The following ASIC2 variants were observed in gnomAD, a reference collection of about 807,000 sequenced individuals.
ASIC2 encodes the protein acid sensing ion channel subunit 2.
A neutral mutation model predicts 57.3 loss-of-function variants in ASIC2; 25 were observed. That is an observed-to-expected ratio of 0.44 (90% CI 0.32 to 0.61). The LOEUF (loss-of-function observed/expected upper bound fraction) is 0.61, where lower values mean the gene tolerates loss of function less well. Ranked by LOEUF, ASIC2 falls within the 20% of genes least tolerant of loss-of-function variation. ASIC2 has a pLI of 0.06. For synonymous variants in ASIC2, 319 were observed against 307.5 expected, an observed-to-expected ratio of 1.04 and a Z score of -0.39; for missense variants, 641 against 738.1, an observed-to-expected ratio of 0.87 and a Z score of 1.52.
At chr17:33,253,529 CT>C (rs1189807102) in intron 1 of ASIC2, among the ~76,000 whole-genome samples, 5 of 152,156 alleles carry the variant, frequency 3.3e-5, no homozygotes, top group Non-Finnish European at 7.3e-5. Flanking sequence ...CATTTCTTTT[CT>C]TTTTCCTACT....
chr17:34,066,096 ACT>A (rs1229227359), intron 1 of ASIC2, among the ~76,000 whole-genome samples: 2 of 152,248 alleles, frequency 1.3e-5, no homozygotes, highest in East Asian at 3.9e-4. Context: ...CTCAGTTCAC[ACT>A]CTTAACTACC....
In ASIC2 at chr17:33,600,623, T is replaced by C. The variant is rs562891818; in HGVS notation, c.556-488556A>G. Among the ~76,000 whole-genome samples, 3 of 152,318 alleles carry C rather than the reference T, an allele frequency of 2.0e-5. No homozygotes were observed. The East Asian group carries it at 5.8e-4, about 29-fold the overall frequency. ...CCCATTTATGCCTGAGGTGGCAATTTTTTTTAATTTTTGCAATCAGACCTT... is the reference window on the plus strand; with the variant it reads ...CCCATTTATGCCTGAGGTGGCAATTCTTTTTAATTTTTGCAATCAGACCTT... On this transcript the variant is annotated intron_variant, in intron 1 of 9. Transcript: ENST00000359872.
At chr17:33,393,545 A>G (rs1030069269) in intron 1 of ASIC2, among the ~76,000 whole-genome samples, 5 of 152,240 alleles carry the variant, frequency 3.3e-5, no homozygotes, top group Non-Finnish European at 7.3e-5. Context: ...CTATGGATCA[A>G]CATTTCAACC....
intron 1 of ASIC2, among the ~76,000 whole-genome samples, chr17:33,423,519 A>G (rs945554710): frequency 3.3e-5 from 5 of 152,190 alleles, no homozygotes; most frequent in African/African-American, 1.2e-4. Context: ...TGTGATCAAC[A>G]TTATTACTAT....
rs1275285305 is a variant in ASIC2 at position 34,039,425 on chromosome 17, T to C, written c.555+116553A>G. ...CGAGGTTTTGCTAGCATCACTGACA[T>C]GAGGGTTGGCAGAGCAGACTGCTCC... is the stretch of plus-strand genomic sequence containing the variant. On this transcript the variant is annotated intron_variant, in intron 1 of 9. Transcript: ENST00000359872. 65 of 1,613,738 alleles carry C rather than the reference T, an allele frequency of 4.0e-5. 1 individual carries two copies. In the East Asian group the frequency reaches 1.3e-3, roughly 32 times the overall value.
chr17:33,438,823 G>A (rs932391428), intron 1 of ASIC2, among the ~76,000 whole-genome samples: 24 of 151,466 alleles, frequency 1.6e-4, no homozygotes, highest in African/African-American at 5.8e-4. Context: ...GTTCTGGGGT[G>A]GAGAAATAAT....
intron 1 of ASIC2, among the ~76,000 whole-genome samples, chr17:33,374,538 G>A (rs1297984032): frequency 6.6e-6 from 1 of 152,148 alleles, no homozygotes; most frequent in East Asian, 1.9e-4. Context: ...AGACTAATTT[G>A]AGTAATAACT....
At chr17:33,863,740 A>C (rs1193202010) in intron 1 of ASIC2, among the ~76,000 whole-genome samples, 1 of 152,216 alleles carries the variant, frequency 6.6e-6, no homozygotes, top group Non-Finnish European at 1.5e-5. Flanking sequence ...AGTGGTATTA[A>C]TATGCTTCCG....
At chr17:33,509,274 G>C (rs1300914606) in intron 1 of ASIC2, among the ~76,000 whole-genome samples, 1 of 152,146 alleles carries the variant, frequency 6.6e-6, no homozygotes, top group Non-Finnish European at 1.5e-5. Context: ...CCATTTAAAG[G>C]TTATAAGCCA....
chr17:33,729,384 C>A (rs1312744056), intron 1 of ASIC2, among the ~76,000 whole-genome samples: 3 of 152,190 alleles, frequency 2.0e-5, no homozygotes, highest in Non-Finnish European at 4.4e-5. Context: ...CCCCATGATC[C>A]AAACACCTCC....
intron 1 of ASIC2, among the ~76,000 whole-genome samples, chr17:33,142,634 T>C (rs971497095): frequency 1.3e-5 from 2 of 152,210 alleles, no homozygotes; most frequent in Admixed American, 1.3e-4. Context: ...CATATGGTTC[T>C]CTTGGCTGGA....
intron 1 of ASIC2, among the ~76,000 whole-genome samples, chr17:33,719,640 A>G (rs137989207): frequency 2.0e-5 from 3 of 152,348 alleles, no homozygotes; most frequent in Non-Finnish European, 4.4e-5. Flanking sequence ...ACAGTTGGGC[A>G]TGGAGCCTTC....
chr17:33,134,411 C>A (rs2092359620), intron 1 of ASIC2, among the ~76,000 whole-genome samples: 1 of 152,178 alleles, frequency 6.6e-6, no homozygotes, highest in Admixed American at 6.5e-5. Flanking sequence ...AGAGTGAAAG[C>A]AAGGAGCCCA....
intron 1 of ASIC2, among the ~76,000 whole-genome samples, chr17:33,808,574 G>A (rs1172534812): frequency 6.6e-6 from 1 of 152,186 alleles, no homozygotes; most frequent in Non-Finnish European, 1.5e-5. Flanking sequence ...AACTTAATGG[G>A]ATTTTGATTG....
At chr17:33,810,488 C>T (rs1912387661) in intron 1 of ASIC2, among the ~76,000 whole-genome samples, 1 of 152,156 alleles carries the variant, frequency 6.6e-6, no homozygotes, top group South Asian at 2.1e-4. Context: ...GAGCCAAGTG[C>T]AGGAACACTG....
intron 1 of ASIC2, among the ~76,000 whole-genome samples, chr17:33,625,779 T>A (rs1905963962): frequency 6.6e-6 from 1 of 152,168 alleles, no homozygotes; most frequent in Non-Finnish European, 1.5e-5. Flanking sequence ...AACAAGCTCA[T>A]GGCCAGCTGG....
At chr17:33,124,682 A>G (rs2092316426) in intron 1 of ASIC2, among the ~76,000 whole-genome samples, 4 of 152,222 alleles carry the variant, frequency 2.6e-5, no homozygotes, top group Non-Finnish European at 4.4e-5. Flanking sequence ...CATGGGAGAC[A>G]ATTTTTACAT....
At chr17:34,115,035 T>C (rs1347720610) in intron 1 of ASIC2, among the ~76,000 whole-genome samples, 2 of 152,236 alleles carry the variant, frequency 1.3e-5, no homozygotes, top group Non-Finnish European at 2.9e-5. Context: ...CCGTTGCTCA[T>C]TTCAGTGACC....
chr17:34,088,742 C>T (rs149530085), intron 1 of ASIC2, among the ~76,000 whole-genome samples: 165 of 152,342 alleles, frequency 1.1e-3, no homozygotes, highest in Admixed American at 2.2e-3. Context: ...TGGGCAATGG[C>T]GGGCGCCCCT....
Sources: allele counts gnomAD v4.1 joint callset (sites outside exome capture counted in the v4.1 genomes callset), GRCh38; gene constraint gnomAD v4.1.1; transcripts MANE v1.5; gene names NCBI Gene and HGNC (gene_info 2026-07-23, HGNC 2026-07-21).